The following SLC2A13 variants were observed in gnomAD, a reference collection of about 807,000 sequenced individuals.
SLC2A13 encodes solute carrier family 2 member 13.
SLC2A13 carries 32 observed loss-of-function variants against 64.4 expected under a neutral mutation model. That is an observed-to-expected ratio of 0.50 (90% CI 0.37 to 0.67). SLC2A13 has a LOEUF of 0.67. SLC2A13 is among the 30% of genes least tolerant of loss of function. The pLI, the probability that SLC2A13 is intolerant of heterozygous loss-of-function variation, is 0.00. For synonymous variants in SLC2A13, 338 were observed against 327.1 expected, an observed-to-expected ratio of 1.03 and a Z score of -0.36; for missense variants, 743 against 829.2, an observed-to-expected ratio of 0.90 and a Z score of 1.28.
intron 4 of SLC2A13, among the ~76,000 whole-genome samples, chr12:39,905,512 T>C (rs1230787278): frequency 1.3e-5 from 2 of 152,188 alleles, no homozygotes; most frequent in Non-Finnish European, 2.9e-5. Flanking sequence ...TTTCTCTTTC[T>C]CATTTACAAA....
At chr12:40,070,746 G>C (rs1024756814) in intron 1 of SLC2A13, among the ~76,000 whole-genome samples, 1 of 152,028 alleles carries the variant, frequency 6.6e-6, no homozygotes, top group South Asian at 2.1e-4. Flanking sequence ...CTTCTGTTGT[G>C]ACCATCCTAG....
chr12:40,048,891 C>T (rs1948208640), intron 1 of SLC2A13, among the ~76,000 whole-genome samples: 1 of 152,046 alleles, frequency 6.6e-6, no homozygotes, highest in Admixed American at 6.6e-5. Context: ...AATAAAATTG[C>T]TCTTACCTCA....
chr12:39,799,143 T>C (rs1941685470), intron 7 of SLC2A13, among the ~76,000 whole-genome samples: 1 of 149,302 alleles, frequency 6.7e-6, no homozygotes, highest in South Asian at 2.1e-4. Flanking sequence ...AGTGCAGTGG[T>C]GCAATCTCAG....
chr12:40,017,087 T>TAC (rs566054723), intron 3 of SLC2A13, among the ~76,000 whole-genome samples: 52 of 152,308 alleles, frequency 3.4e-4, no homozygotes, highest in Admixed American at 8.5e-4. Flanking sequence ...GGAAGGAGTC[T>TAC]ACACACTGTA....
At chr12:39,810,198 ATCT>A (rs1942109853) in intron 7 of SLC2A13, among the ~76,000 whole-genome samples, 6 of 152,136 alleles carry the variant, frequency 3.9e-5, no homozygotes, top group Admixed American at 3.3e-4. Context: ...ACTTAGTTAG[ATCT>A]TCTTTAATTT....
At chr12:40,086,535 T>C (rs964046932) in intron 1 of SLC2A13, among the ~76,000 whole-genome samples, 4 of 152,160 alleles carry the variant, frequency 2.6e-5, no homozygotes, top group African/African-American at 9.7e-5. Flanking sequence ...GTCTATTTCA[T>C]CTCTATATAT....
In SLC2A13 at chr12:39,840,501, A is replaced by C. The variant is rs150808420; in HGVS notation, c.1320-10273T>G. ...GCCTGTCTCTACTTGCCATTTCTCC[A>C]TAGGTGCCGTGGGTGCTAGCCAGTC... On this transcript the variant is annotated intron_variant, in intron 6 of 9. Transcript: ENST00000280871. Among the ~76,000 whole-genome samples, 13 of 151,866 alleles carry C rather than the reference A, an allele frequency of 8.6e-5. 1 individual carries two copies. Among genetic ancestry groups the C allele is most frequent in the Admixed American group, 2.0e-4 (3 of 15,226 alleles).
chr12:39,898,766 C>A (rs1944997718), intron 4 of SLC2A13, among the ~76,000 whole-genome samples: 1 of 152,124 alleles, frequency 6.6e-6, no homozygotes, highest in Non-Finnish European at 1.5e-5. Context: ...ACACTACTTA[C>A]ATCTCTCTCA....
At position 39,975,114 on chromosome 12, in the gene SLC2A13, T is replaced by C. The variant is rs1343056123; in HGVS notation, c.926-23749A>G. ...GCTGAATTACTATTCATTATGGTGA[T>C]GCTTTTAACAAATACCTTCAGTTTA... On this transcript the variant is annotated intron_variant, in intron 3 of 9. Transcript: ENST00000280871. 2.6e-5 allele frequency among the ~76,000 whole-genome samples: 4 copies of C among 152,362 alleles called. No individual in the cohort carries two copies. In the South Asian group the frequency reaches 6.2e-4, roughly 24 times the overall value.
intron 4 of SLC2A13, among the ~76,000 whole-genome samples, chr12:39,929,354 T>C (rs1424549433): frequency 6.6e-6 from 1 of 151,702 alleles, no homozygotes; most frequent in Non-Finnish European, 1.5e-5. Flanking sequence ...AGTTCGAGAC[T>C]AGCCTGGCCA....
chr12:39,918,348 A>G (rs1048377118), intron 4 of SLC2A13, among the ~76,000 whole-genome samples: 1 of 136,430 alleles, frequency 7.3e-6, no homozygotes, highest in Non-Finnish European at 1.6e-5. Flanking sequence ...AATGTATAAC[A>G]GAACAGAAGT....
chr12:39,896,576 G>A (rs1408752451), intron 4 of SLC2A13, among the ~76,000 whole-genome samples: 2 of 97,564 alleles, frequency 2.0e-5, no homozygotes, highest in African/African-American at 7.7e-5. Context: ...ATGTATGTAT[G>A]TGTGTATATA....
chr12:40,094,923 G>T (rs1938888289), intron 1 of SLC2A13, among the ~76,000 whole-genome samples: 1 of 152,192 alleles, frequency 6.6e-6, no homozygotes, highest in Non-Finnish European at 1.5e-5. Flanking sequence ...GAAACAGGAA[G>T]AAGACGCATC....
Position 39,910,142 on chromosome 12 carries a change from A to C in SLC2A13, c.1035-38181T>G, listed in dbSNP as rs958329839. On this transcript the variant is annotated intron_variant, in intron 4 of 9. Transcript: ENST00000280871. Reference sequence around the variant, plus strand: ...GGACTATCTACTGTGTCATGTACAAACACATTTCCATCTTGAATAATCAAA... The same window carrying C: ...GGACTATCTACTGTGTCATGTACAACCACATTTCCATCTTGAATAATCAAA... 2.6e-5 allele frequency among the ~76,000 whole-genome samples: 4 copies of C among 152,066 alleles called. No individual in the cohort carries two copies. The South Asian group carries it at 8.3e-4, about 31-fold the overall frequency.
intron 1 of SLC2A13, among the ~76,000 whole-genome samples, chr12:40,099,358 G>A (rs2136306279): frequency 6.6e-6 from 1 of 152,290 alleles, no homozygotes; most frequent in South Asian, 2.1e-4. Flanking sequence ...GATGTACAAA[G>A]GAGCCAAGTA....
intron 4 of SLC2A13, among the ~76,000 whole-genome samples, chr12:39,896,206 A>C (rs1041670950): frequency 6.7e-6 from 1 of 148,174 alleles, no homozygotes; most frequent in Non-Finnish European, 1.5e-5. Context: ...GTATGTATAC[A>C]TGTATATACG....
chr12:39,869,691 C>G (rs537246438), intron 5 of SLC2A13, among the ~76,000 whole-genome samples: 9 of 151,578 alleles, frequency 5.9e-5, no homozygotes, highest in Non-Finnish European at 8.8e-5. Flanking sequence ...AGGGATGGCT[C>G]TGGAAATCCT....
chr12:40,067,125 C>T (rs564618079), intron 1 of SLC2A13, among the ~76,000 whole-genome samples: 21 of 152,102 alleles, frequency 1.4e-4, no homozygotes, highest in Non-Finnish European at 2.1e-4. Flanking sequence ...AGGGTGATAC[C>T]AAGAGGCTTT....
intron 3 of SLC2A13, among the ~76,000 whole-genome samples, chr12:40,021,441 A>G (rs1427694683): frequency 1.9e-4 from 29 of 152,192 alleles, no homozygotes; most frequent in Non-Finnish European, 2.9e-5. Flanking sequence ...CTAAAAACTG[A>G]ACAGAGTTGT....
Sources: gnomAD v4.1 joint callset for allele counts (sites outside exome capture counted in the v4.1 genomes callset) on GRCh38, gnomAD v4.1.1 for gene constraint, MANE v1.5 for transcripts, NCBI Gene and HGNC (gene_info 2026-07-23, HGNC 2026-07-21) for gene names.